Variants in CLVS1 observed in about 807,000 individuals in gnomAD.
The protein encoded by CLVS1 is clavesin 1.
Under a neutral mutation model 33.1 loss-of-function variants are expected in CLVS1, and 10 were observed. That is an observed-to-expected ratio of 0.30 (90% CI 0.19 to 0.51). CLVS1 has a LOEUF of 0.51. Ranked by LOEUF, CLVS1 falls within the 20% of genes least tolerant of loss-of-function variation. CLVS1 has a pLI of 0.97. For missense variants in CLVS1, 343 were observed against 433.4 expected (o/e 0.79, Z 1.85); for synonymous variants, 163 against 166.1 (o/e 0.98, Z 0.14).
At chr8:61,280,659 G>A (rs992739844) in intron 2 of CLVS1, among the ~76,000 whole-genome samples, 8 of 152,168 alleles carry the variant, frequency 5.3e-5, no homozygotes, top group South Asian at 2.1e-4. Context: ...ATACATTTCC[G>A]TGGGCCTTTG....
chr8:61,417,277 G>A (rs370729212), intron 3 of CLVS1, among the ~76,000 whole-genome samples: 18 of 152,152 alleles, frequency 1.2e-4, no homozygotes, highest in Admixed American at 2.6e-4. Flanking sequence ...CCTCCACTCC[G>A]GCCACTTGTG....
the CLVS1 span, among the ~76,000 whole-genome samples, chr8:60,967,365 G>C: frequency 6.6e-6 from 1 of 152,208 alleles, no homozygotes; most frequent in Admixed American, 6.5e-5. Flanking sequence ...GTGAGGACAG[G>C]AGTGGTCAGA....
intron 2 of CLVS1, among the ~76,000 whole-genome samples, chr8:61,316,145 C>T (rs1228846169): frequency 6.6e-6 from 1 of 152,188 alleles, no homozygotes; most frequent in African/African-American, 2.4e-5. Context: ...CCAGCAATCC[C>T]ATTATTGGGT....
At chr8:61,164,239 A>T (rs1336705878) in intron 2 of CLVS1, among the ~76,000 whole-genome samples, 1 of 152,198 alleles carries the variant, frequency 6.6e-6, no homozygotes, top group African/African-American at 2.4e-5. Flanking sequence ...TAGTCGGCCT[A>T]GGAAATCCAG....
At chr8:61,062,555 G>A (rs1000521948) in intron 1 of CLVS1, among the ~76,000 whole-genome samples, 1 of 152,180 alleles carries the variant, frequency 6.6e-6, no homozygotes, top group African/African-American at 2.4e-5. Flanking sequence ...TTTCTTACCT[G>A]TTTTCATTGA....
rs1465913379 is a variant in CLVS1 at position 61,417,343 on chromosome 8, G to A, written c.631-36798G>A. Reference sequence around the variant, plus strand: ...AAACATGGAATACATCTGAATCTATGCTATATTTTTTTCTCCCAGACGTTT... The same window carrying A: ...AAACATGGAATACATCTGAATCTATACTATATTTTTTTCTCCCAGACGTTT... On this transcript the variant is annotated intron_variant, in intron 3 of 5. Transcript: ENST00000325897. 3.9e-5 allele frequency among the ~76,000 whole-genome samples: 6 copies of A among 152,182 alleles called. No individual in the cohort carries two copies. In the East Asian group the frequency reaches 1.2e-3, roughly 29 times the overall value.
intron 3 of CLVS1, among the ~76,000 whole-genome samples, chr8:61,389,197 G>A (rs990881330): frequency 6.6e-6 from 1 of 152,172 alleles, no homozygotes; most frequent in African/African-American, 2.4e-5. Flanking sequence ...AAGTCTCAAT[G>A]AAGAATTTGG....
chr8:61,356,651 G>A (rs1406918380), intron 2 of CLVS1, among the ~76,000 whole-genome samples: 2 of 152,098 alleles, frequency 1.3e-5, no homozygotes, highest in South Asian at 4.1e-4. Context: ...AGTTTTCCCA[G>A]CACCATTTAT....
chr8:61,289,527 T>C (rs1809904080), intron 1 of CLVS1, among the ~76,000 whole-genome samples: 1 of 152,212 alleles, frequency 6.6e-6, no homozygotes, highest in African/African-American at 2.4e-5. Flanking sequence ...AGCATTGGGA[T>C]TTTTTGACAA....
intron 2 of CLVS1, among the ~76,000 whole-genome samples, chr8:61,142,447 T>A (rs1014158929): frequency 6.6e-6 from 1 of 152,164 alleles, no homozygotes; most frequent in Non-Finnish European, 1.5e-5. Flanking sequence ...ACTAATACAA[T>A]TGGGACGTTG....
intron 1 of CLVS1, among the ~76,000 whole-genome samples, chr8:61,073,302 G>C (rs1479604511): frequency 2.0e-5 from 3 of 152,176 alleles, no homozygotes; most frequent in Non-Finnish European, 4.4e-5. Flanking sequence ...GTATTCAGTG[G>C]TGTAAAATGT....
At chr8:61,261,673 G>A (rs1809205930) in intron 2 of CLVS1, among the ~76,000 whole-genome samples, 1 of 152,150 alleles carries the variant, frequency 6.6e-6, no homozygotes, top group Non-Finnish European at 1.5e-5. Context: ...ATAGCTCCCT[G>A]GTCCCTTCTC....
intron 1 of CLVS1, among the ~76,000 whole-genome samples, chr8:61,126,128 T>G (rs1408797232): frequency 6.6e-6 from 1 of 152,162 alleles, no homozygotes; most frequent in Non-Finnish European, 1.5e-5. Flanking sequence ...GCCACTCTTG[T>G]GACTACTATA....
chr8:61,396,991 G>A (rs1002771359), intron 3 of CLVS1, among the ~76,000 whole-genome samples: 1 of 152,040 alleles, frequency 6.6e-6, no homozygotes, highest in Non-Finnish European at 1.5e-5. Context: ...ATCCTGCTAT[G>A]TACATCCCTG....
chr8:61,354,742 A>G (rs1229630282), intron 2 of CLVS1, among the ~76,000 whole-genome samples: 1 of 152,184 alleles, frequency 6.6e-6, no homozygotes, highest in Non-Finnish European at 1.5e-5. Context: ...ATTATATAAC[A>G]TTCAATTTCT....
chr8:61,301,224 C>A (rs1323163618), intron 2 of CLVS1, among the ~76,000 whole-genome samples: 1 of 152,148 alleles, frequency 6.6e-6, no homozygotes, highest in Non-Finnish European at 1.5e-5. Flanking sequence ...ATCTTCTGAC[C>A]TTCTTCACAT....
chr8:60,984,026 G>C, the CLVS1 span, among the ~76,000 whole-genome samples: 1 of 152,248 alleles, frequency 6.6e-6, no homozygotes, highest in East Asian at 1.9e-4. Context: ...CAGCCAGTTG[G>C]GTTGGCTGCA....
chr8:61,188,792 T>C lies in CLVS1; in HGVS notation c.-152+56932T>C, dbSNP rs546734654. Among the ~76,000 whole-genome samples the C allele has an allele frequency of 2.0e-3, 297 of 152,054 alleles. 1 individual carries two copies. The highest frequency in any genetic ancestry group is 6.7e-3 in the African/African-American group (278 of 41,520). On this transcript the variant is annotated intron_variant, in intron 2 of 2. Coordinates refer to the CLVS1 transcript ENST00000522621. The stretch of plus-strand genomic sequence containing the variant: ...TTATGGAGCATTCAATTCAGAAAAA[T>C]AATTTATATTTAACAGAAATGCTCT...
chr8:61,299,749 C>A lies in CLVS1; in HGVS notation c.-79C>A. The A allele has an allele frequency of 9.6e-7, 1 of 1,041,100 alleles. No homozygotes were observed. Among genetic ancestry groups the A allele is most frequent in the Non-Finnish European group, 1.4e-6 (1 of 708,350 alleles). The allele number at this position is 1,041,100 out of a possible 1,614,324, so 64.5% of individuals were successfully genotyped here. A position where few individuals can be genotyped will look rare whatever the true frequency, so the allele number is the denominator to read the frequency against. ...ATAGGGCCTGAATGTGAAAGAAGAC[C>A]CTCTATTTGTCTGTTCCGGGGCAGC... On this transcript the variant is annotated 5_prime_UTR_variant, in exon 2 of 6. Coordinates refer to ENST00000325897, the MANE Select transcript of CLVS1 (RefSeq NM_173519.3).
Sources: gnomAD v4.1 joint callset for allele counts (sites outside exome capture counted in the v4.1 genomes callset) on GRCh38, gnomAD v4.1.1 for gene constraint, MANE v1.5 for transcripts, NCBI Gene and HGNC (gene_info 2026-07-23, HGNC 2026-07-21) for gene names.